PCDHGA2: variants seen among roughly 807,000 people sequenced by gnomAD.
PCDHGA2 encodes protocadherin gamma subfamily A, 2.
A neutral mutation model predicts 59.2 loss-of-function variants in PCDHGA2; 40 were observed. The ratio of observed to expected loss-of-function variants is 0.68; its 90% CI spans 0.52 to 0.88. The LOEUF is 0.88. PCDHGA2 is among the 40% of genes least tolerant of loss of function. The pLI is 0.00. For synonymous variants in PCDHGA2, 560 were observed against 526.0 expected (o/e 1.06, Z -0.89); for missense variants, 1,226 against 1,204.0 (o/e 1.02, Z -0.27).
chr5:141,355,394 G>A (rs1759832826), intron 1 of PCDHGA2: 1 of 1,614,058 alleles, frequency 6.2e-7, no homozygotes, highest in Non-Finnish European at 8.5e-7. Context: ...CGCGGAGTCC[G>A]CATCGTCTCC....
chr5:141,438,651 CAT>C (rs2098045358), intron 1 of PCDHGA2, among the ~76,000 whole-genome samples: 1 of 83,744 alleles, frequency 1.2e-5, no homozygotes, highest in East Asian at 3.2e-4. Context: ...CACACACACA[CAT>C]ATATGTATAT....
At chr5:141,376,285 C>A in intron 1 of PCDHGA2, 2 of 1,614,230 alleles carry the variant, frequency 1.2e-6, no homozygotes, top group Non-Finnish European at 1.7e-6. Context: ...GCTTAGCGAG[C>A]ATGCCCGGCT....
Position 141,487,071 on chromosome 5 carries a change from C to A in PCDHGA2, c.2425-7736C>A. On this transcript the variant is annotated intron_variant, in intron 1 of 3. Coordinates refer to ENST00000394576, the MANE Select transcript of PCDHGA2 (RefSeq NM_018915.4). The surrounding 1 kb of genome is among the most constrained non-coding windows in gnomAD (Gnocchi z 5.0). ...GCTGGGGAGGTGCGGACGGCTGTTC[C>A]TATCCCAGCTGACCTCCCACCACAG... is the stretch of plus-strand genomic sequence containing the variant. The A allele has an allele frequency of 6.2e-7, 1 of 1,614,148 alleles. No individual in the cohort carries two copies. Among genetic ancestry groups the A allele is most frequent in the Non-Finnish European group, 8.5e-7 (1 of 1,180,002 alleles).
At chr5:141,502,056 C>A (rs1163976282) in intron 2 of PCDHGA2, among the ~76,000 whole-genome samples, 1 of 152,116 alleles carries the variant, frequency 6.6e-6, no homozygotes, top group Non-Finnish European at 1.5e-5. Context: ...CTACTTTATT[C>A]CCATTAGCCC....
intron 1 of PCDHGA2, chr5:141,421,396 C>T: frequency 2.5e-6 from 4 of 1,614,036 alleles, no homozygotes; most frequent in South Asian, 1.1e-5. Context: ...GGGGCTGGAG[C>T]CCCGGGAGCT....
At chr5:141,341,701 C>A in intron 1 of PCDHGA2, 1 of 539,316 alleles carries the variant, frequency 1.9e-6, no homozygotes, top group Non-Finnish European at 3.2e-6. Context: ...CTGGGCAAAT[C>A]ATCTCATCCA....
At chr5:141,438,763 G>C (rs537316602) in intron 1 of PCDHGA2, among the ~76,000 whole-genome samples, 1 of 149,962 alleles carries the variant, frequency 6.7e-6, no homozygotes, top group South Asian at 2.1e-4. Context: ...CTGGGTTCAA[G>C]CGATTCTCCT....
chr5:141,488,193 T>C (rs1211647195), intron 1 of PCDHGA2, among the ~76,000 whole-genome samples: 1 of 152,122 alleles, frequency 6.6e-6, no homozygotes, highest in Non-Finnish European at 1.5e-5. Flanking sequence ...TTGGTCTGGG[T>C]CTTAGGACTC....
chr5:141,399,996 C>A (rs753801667), intron 1 of PCDHGA2: 5 of 1,612,402 alleles, frequency 3.1e-6, no homozygotes, highest in Non-Finnish European at 4.2e-6. Flanking sequence ...GAGAGGTGCG[C>A]ACAGCGCGTG....
Position 141,338,910 on chromosome 5 carries a change from A to C in PCDHGA2, c.-62A>C. On this transcript the variant is annotated 5_prime_UTR_variant, in exon 1 of 4. An upstream open reading frame in the 5' UTR loses its in-frame stop. Transcript: ENST00000394576. ...CTGGTTATCTCACACCCTGAGGAATAAAGATTGGAATCCGCACTGGATGCT... is the reference window on the plus strand; with the variant it reads ...CTGGTTATCTCACACCCTGAGGAATCAAGATTGGAATCCGCACTGGATGCT... 6.7e-7 allele frequency: 1 copy of C among 1,502,618 alleles called. No individual in the cohort carries two copies. The highest frequency in any genetic ancestry group is 8.9e-7 in the Non-Finnish European group (1 of 1,126,134). 93.1% of individuals were successfully genotyped at this position (1,502,618 alleles called of 1,614,324 possible).
At chr5:141,452,370 G>A (rs2098739834) in intron 1 of PCDHGA2, among the ~76,000 whole-genome samples, 1 of 152,136 alleles carries the variant, frequency 6.6e-6, no homozygotes, top group Non-Finnish European at 1.5e-5. Flanking sequence ...CTTCATTTTA[G>A]TAGGGAATAG....
At chr5:141,417,626 T>G in intron 1 of PCDHGA2, 2 of 689,576 alleles carry the variant, frequency 2.9e-6, no homozygotes, top group East Asian at 2.9e-5. Flanking sequence ...GAGCAAGCGC[T>G]GACGCCGGGG....
At chr5:141,356,557 C>T in intron 1 of PCDHGA2, 1 of 1,614,138 alleles carries the variant, frequency 6.2e-7, no homozygotes, top group Non-Finnish European at 8.5e-7. Flanking sequence ...ACCCACTTTC[C>T]CTCATGCTTC....
At chr5:141,474,398 C>A (rs1381347745) in intron 1 of PCDHGA2, among the ~76,000 whole-genome samples, 3 of 152,212 alleles carry the variant, frequency 2.0e-5, no homozygotes, top group Non-Finnish European at 4.4e-5. Context: ...TTCTAACAAG[C>A]TCCCCGGTGA....
chr5:141,475,740 A>G (rs942793010), intron 1 of PCDHGA2, among the ~76,000 whole-genome samples: 4 of 152,280 alleles, frequency 2.6e-5, no homozygotes, highest in Non-Finnish European at 5.9e-5. Flanking sequence ...TCCCTAAGGT[A>G]GGTTTCCTAT....
rs949539037 is a variant in PCDHGA2, at chr5:141,354,985, C to T, written c.2424+13590C>T. On this transcript the variant is annotated intron_variant, in intron 1 of 3. Transcript: ENST00000394576. The stretch of plus-strand genomic sequence containing the variant: ...TTAAGACTCTGGGTGTCGCTGTTCA[C>T]CAATCAGGGGGAAAAGACAAACCAG... The T allele has an allele frequency of 5.0e-6, 3 of 604,640 alleles. No individual in the cohort carries two copies. The African/African-American group carries it at 5.6e-5, about 11-fold the overall frequency. 37.5% of individuals were successfully genotyped at this position (604,640 alleles called of 1,614,324 possible).
chr5:141,355,094 A>C, intron 1 of PCDHGA2: 1 of 1,484,876 alleles, frequency 6.7e-7, no homozygotes, highest in South Asian at 1.4e-5. Flanking sequence ...AAGCCCTGAG[A>C]GCTCTGGCTG....
At chr5:141,402,884 T>G in intron 1 of PCDHGA2, 1 of 1,481,582 alleles carries the variant, frequency 6.7e-7, no homozygotes, top group Non-Finnish European at 9.0e-7. Flanking sequence ...CTTTGCAGGG[T>G]GGAAGAAAGA....
chr5:141,428,513 AAAG>A (rs891793310), intron 1 of PCDHGA2: 2 of 280,938 alleles, frequency 7.1e-6, no homozygotes, highest in Non-Finnish European at 1.4e-5. Context: ...GATTCTAGAA[AAAG>A]AAGATTTAAT....
Sources: allele counts gnomAD v4.1 joint callset (sites outside exome capture counted in the v4.1 genomes callset), GRCh38; gene constraint gnomAD v4.1.1; non-coding constraint Gnocchi (gnomAD v3.1); transcripts MANE v1.5; gene names NCBI Gene and HGNC (gene_info 2026-07-23, HGNC 2026-07-21).